ROBO2: variants seen among roughly 807,000 people sequenced by gnomAD.
ROBO2 encodes the protein roundabout guidance receptor 2.
A neutral mutation model predicts 160.8 loss-of-function variants in ROBO2; 53 were observed. The observed-to-expected ratio is 0.33, with a 90% confidence interval of 0.26 to 0.41. The LOEUF (loss-of-function observed/expected upper bound fraction) is 0.41. Among genes scored for constraint, ROBO2 ranks in the 10% least tolerant of loss-of-function variants. ROBO2 has a pLI of 1.00. For synonymous variants in ROBO2, 664 were observed against 611.7 expected (o/e 1.09, Z -1.26); for missense variants, 1,577 against 1,722.4 (o/e 0.92, Z 1.49).
chr3:76,539,821 G>A (rs1345061245), intron 2 of ROBO2, among the ~76,000 whole-genome samples: 1 of 152,178 alleles, frequency 6.6e-6, no homozygotes, highest in East Asian at 1.9e-4. Context: ...TGATCCAGAA[G>A]ATGATAAGAG....
chr3:76,626,693 T>C (rs1417892687), intron 2 of ROBO2, among the ~76,000 whole-genome samples: 1 of 152,102 alleles, frequency 6.6e-6, no homozygotes, highest in African/African-American at 2.4e-5. Flanking sequence ...GAATCTTTTA[T>C]CTTTTTTTTT....
At chr3:77,159,349 C>T (rs2078289162) in intron 2 of ROBO2, among the ~76,000 whole-genome samples, 2 of 152,142 alleles carry the variant, frequency 1.3e-5, no homozygotes, top group Admixed American at 1.3e-4. Flanking sequence ...TCTGCTGGTA[C>T]TGTGCAAGAT....
intron 2 of ROBO2, among the ~76,000 whole-genome samples, chr3:76,613,774 T>G (rs556055473): frequency 1.3e-5 from 2 of 152,210 alleles, no homozygotes; most frequent in East Asian, 3.9e-4. Context: ...GAAGTAGATG[T>G]GCTTTATACA....
At chr3:77,616,881 C>A (rs2094791680) in intron 21 of ROBO2, among the ~76,000 whole-genome samples, 1 of 151,850 alleles carries the variant, frequency 6.6e-6, no homozygotes, top group African/African-American at 2.4e-5. Context: ...TTTTTTACTA[C>A]AATAAAAGTA....
At chr3:76,944,154 A>G (rs182150062) in intron 2 of ROBO2, among the ~76,000 whole-genome samples, 3 of 152,304 alleles carry the variant, frequency 2.0e-5, no homozygotes, top group Admixed American at 2.0e-4. Flanking sequence ...TCCCAATTGT[A>G]TTATTGTGAA....
intron 1 of ROBO2, among the ~76,000 whole-genome samples, chr3:77,073,424 T>C (rs11127577): frequency 5.3e-5 from 8 of 152,198 alleles, no homozygotes; most frequent in African/African-American, 1.4e-4. Context: ...TTAAAATTCA[T>C]TGAAGATTGC....
chr3:76,054,752 G>T (rs750406740), intron 2 of ROBO2, among the ~76,000 whole-genome samples: 1 of 152,188 alleles, frequency 6.6e-6, no homozygotes, highest in African/African-American at 2.4e-5. Flanking sequence ...AGTTTGAAAT[G>T]CATTTTTGGC....
chr3:76,355,643 C>T (rs560691215), intron 2 of ROBO2, among the ~76,000 whole-genome samples: 1 of 151,744 alleles, frequency 6.6e-6, no homozygotes, highest in Non-Finnish European at 1.5e-5. Context: ...TCACTGACAA[C>T]ACCTGCATAG....
At chr3:77,468,880 C>T (rs2083061501) in intron 2 of ROBO2, among the ~76,000 whole-genome samples, 1 of 152,086 alleles carries the variant, frequency 6.6e-6, no homozygotes, top group Admixed American at 6.5e-5. Flanking sequence ...CTACAGGGTG[C>T]CAGAGTGTCA....
At chr3:76,777,149 T>A (rs1156833696) in intron 2 of ROBO2, among the ~76,000 whole-genome samples, 3 of 151,068 alleles carry the variant, frequency 2.0e-5, no homozygotes. Context: ...TGGCATAAAA[T>A]AGTAGAATTA....
intron 2 of ROBO2, among the ~76,000 whole-genome samples, chr3:77,180,412 C>G (rs371314221): frequency 1.1e-5 from 1 of 93,790 alleles, no homozygotes; most frequent in Non-Finnish European, 2.4e-5. Context: ...CTCTCTCTCT[C>G]TCTCTATATA....
At chr3:77,538,455 G>A (rs2092290880) in intron 6 of ROBO2, among the ~76,000 whole-genome samples, 1 of 152,068 alleles carries the variant, frequency 6.6e-6, no homozygotes, top group Non-Finnish European at 1.5e-5. Flanking sequence ...GGGATTACAG[G>A]CGTGAGCCAC....
chr3:77,538,560 A>G (rs1164974939), intron 6 of ROBO2, among the ~76,000 whole-genome samples: 2 of 152,134 alleles, frequency 1.3e-5, no homozygotes, highest in Non-Finnish European at 2.9e-5. Flanking sequence ...TTTAAATCCT[A>G]TATTTCTAAT....
At chr3:77,399,506 C>T (rs975404796) in intron 2 of ROBO2, among the ~76,000 whole-genome samples, 1 of 152,156 alleles carries the variant, frequency 6.6e-6, no homozygotes, top group Non-Finnish European at 1.5e-5. Context: ...CTGTGGCACA[C>T]ATTTCAAATT....
chr3:76,886,851 G>T (rs1366336258), intron 2 of ROBO2, among the ~76,000 whole-genome samples: 1 of 152,130 alleles, frequency 6.6e-6, no homozygotes, highest in Non-Finnish European at 1.5e-5. Flanking sequence ...GCTATATGTG[G>T]CTACTTAAAT....
At chr3:76,413,955 C>T (rs1412110358) in intron 2 of ROBO2, among the ~76,000 whole-genome samples, 1 of 152,056 alleles carries the variant, frequency 6.6e-6, no homozygotes, top group Non-Finnish European at 1.5e-5. Context: ...TTTAATTAGA[C>T]TTACAGTTCC....
intron 2 of ROBO2, among the ~76,000 whole-genome samples, chr3:76,122,296 A>G (rs1249538123): frequency 1.3e-5 from 2 of 152,020 alleles, no homozygotes; most frequent in Non-Finnish European, 2.9e-5. Flanking sequence ...CCAAATGTAA[A>G]TAAGTGAAAC....
chr3:77,113,468 A>G (rs1431518458), intron 2 of ROBO2, among the ~76,000 whole-genome samples: 2 of 152,312 alleles, frequency 1.3e-5, no homozygotes, highest in African/African-American at 2.4e-5. Flanking sequence ...TCAAATGTGT[A>G]TGTCATTAAT....
At chr3:77,296,684 C>T (rs114425653) in intron 2 of ROBO2, among the ~76,000 whole-genome samples, 5 of 151,962 alleles carry the variant, frequency 3.3e-5, no homozygotes, top group South Asian at 2.1e-4. Flanking sequence ...TATTCTAGGC[C>T]GATGGAAAAG....
Sources: allele counts gnomAD v4.1 joint callset (sites outside exome capture counted in the v4.1 genomes callset), GRCh38; gene constraint gnomAD v4.1.1; transcripts MANE v1.5; gene names NCBI Gene and HGNC (gene_info 2026-07-23, HGNC 2026-07-21).